The following FRMPD4 variants were observed in gnomAD, a reference collection of about 807,000 sequenced individuals.
FRMPD4 encodes FERM and PDZ domain containing 4.
Under a neutral mutation model 94.1 loss-of-function variants are expected in FRMPD4, and 22 were observed. The observed-to-expected ratio is 0.23, with a 90% CI of 0.17 to 0.33. FRMPD4 has a LOEUF of 0.33. Among genes scored for constraint, FRMPD4 ranks in the 10% least tolerant of loss-of-function variants. The pLI is 1.00. For missense variants in FRMPD4, 1,111 were observed against 1,339.9 expected, an observed-to-expected ratio of 0.83 and a Z score of 2.67; for synonymous variants, 631 against 548.6, an observed-to-expected ratio of 1.15 and a Z score of -2.10.
chrX:11,852,500 G>A (rs1413239694), intron 1 of FRMPD4, among the ~76,000 whole-genome samples: 1 of 107,766 alleles, frequency 9.3e-6, no homozygotes, highest in Non-Finnish European at 1.9e-5. Flanking sequence ...TATGATTTCA[G>A]CCTTTGCAAA....
At chrX:11,904,048 T>C (rs920938679) in intron 3 of FRMPD4, among the ~76,000 whole-genome samples, 1 of 111,882 alleles carries the variant, frequency 8.9e-6, no homozygotes, top group African/African-American at 3.2e-5. Context: ...CGCAAAGTGC[T>C]GGGATTATAG....
In FRMPD4 at chrX:12,560,742, CTTTTTTTTTTTTTTTTT is replaced by C. The variant is rs749269384; in HGVS notation, c.159-48950_159-48934del. Among the ~76,000 whole-genome samples the C allele has an allele frequency of 7.9e-3, 345 of 43,422 alleles. 78 individuals carry two copies. Among genetic ancestry groups the C allele is most frequent in the African/African-American group, 0.014 (191 of 13,226 alleles). 37.7% of individuals were successfully genotyped at this position (43,422 alleles called of 115,157 possible). ...CCCTAGTGTATGCACCTCCCCTCAT[CTTTTTTTTTTTTTTTTT>C]TTTTTTTTTTTTTTTTTTTTTTTTT... On this transcript the variant is annotated intron_variant, in intron 2 of 16. Coordinates refer to ENST00000675598, the MANE Select transcript of FRMPD4 (RefSeq NM_001368397.1).
intron 4 of FRMPD4, among the ~76,000 whole-genome samples, chrX:12,626,430 A>G (rs1474005162): frequency 9.3e-6 from 1 of 108,094 alleles, no homozygotes; most frequent in Non-Finnish European, 1.9e-5. Context: ...GCAAGAAACT[A>G]GAAACACACC....
chrX:12,379,642 C>CGTGTGTGTGTGTGTGTGTGTGT (rs55742933), intron 1 of FRMPD4, among the ~76,000 whole-genome samples: 4 of 89,978 alleles, frequency 4.4e-5, no homozygotes, highest in Admixed American at 2.6e-4. Flanking sequence ...GATATGCTGC[C>CGTGTGTGTGTGTGTGTGTGTGT]GTGTGTGTGT....
At chrX:11,877,485 A>G (rs1248391079) in intron 2 of FRMPD4, among the ~76,000 whole-genome samples, 1 of 111,596 alleles carries the variant, frequency 9.0e-6, no homozygotes, top group Non-Finnish European at 1.9e-5. Context: ...CCAGTTTGAT[A>G]TCACTTTGAT....
intron 1 of FRMPD4, among the ~76,000 whole-genome samples, chrX:12,224,411 A>G (rs1051927194): frequency 6.4e-5 from 7 of 109,606 alleles, no homozygotes; most frequent in African/African-American, 2.3e-4. Flanking sequence ...CACCACACCC[A>G]GCTAATTTTT....
chrX:12,314,242 G>C (rs1268559868), intron 1 of FRMPD4, among the ~76,000 whole-genome samples: 1 of 112,494 alleles, frequency 8.9e-6, no homozygotes, highest in Non-Finnish European at 1.9e-5. Flanking sequence ...AAACAACTGA[G>C]TCAGTTTCAC....
intron 1 of FRMPD4, among the ~76,000 whole-genome samples, chrX:12,391,124 C>A (rs1242855469): frequency 8.9e-6 from 1 of 111,936 alleles, no homozygotes; most frequent in Non-Finnish European, 1.9e-5. Flanking sequence ...ATTTAGAATT[C>A]TTTTCGTAAG....
At chrX:12,650,404 C>T (rs910199192) in intron 4 of FRMPD4, among the ~76,000 whole-genome samples, 4 of 110,372 alleles carry the variant, frequency 3.6e-5, no homozygotes, top group African/African-American at 1.3e-4. Context: ...TTTTCTTCAT[C>T]GGTCTATCCA....
chrX:12,666,438 C>A (rs969326521), intron 4 of FRMPD4, among the ~76,000 whole-genome samples: 2 of 111,665 alleles, frequency 1.8e-5, no homozygotes, highest in African/African-American at 6.5e-5. Flanking sequence ...ACCTAATACA[C>A]ATCTACAGAA....
chrX:12,710,404 C>T lies in FRMPD4; in HGVS notation c.1476C>T (p.Ile492=). The part of the protein sequence containing the change: ...VELHVLDVKP[I]TLLMESSDAM... ...AAGTGTTCTCTTTTGTGTAGCCTAT[C>T]ACGCTTCTGATGGAATCCTCAGATG... The change falls in exon 14 of 17, where the codon ATC becomes ATT. Residue 492 remains isoleucine, a synonymous_variant. Transcript: ENST00000675598. The T allele has an allele frequency of 2.5e-6, 3 of 1,204,297 alleles. No homozygotes were observed. The highest frequency in any genetic ancestry group is 3.0e-5 in the East Asian group (1 of 33,756).
chrX:11,824,230 A>G (rs1186314523), intron 1 of FRMPD4, among the ~76,000 whole-genome samples: 1 of 91,944 alleles, frequency 1.1e-5, no homozygotes, highest in Non-Finnish European at 2.3e-5. Flanking sequence ...GGGTAACATC[A>G]AGAGTTTAGC....
At chrX:11,920,129 A>G (rs1385670887) in intron 3 of FRMPD4, among the ~76,000 whole-genome samples, 2 of 112,000 alleles carry the variant, frequency 1.8e-5, no homozygotes, top group Non-Finnish European at 3.8e-5. Flanking sequence ...TAATAAAAAT[A>G]GAGAATTTTT....
intron 3 of FRMPD4, among the ~76,000 whole-genome samples, chrX:12,122,344 A>G (rs990947017): frequency 1.8e-5 from 2 of 112,280 alleles, no homozygotes; most frequent in South Asian, 7.5e-4. Context: ...AGGGCTCCAC[A>G]TGGTCACTTG....
chrX:12,331,975 T>TTTATATACTATATATAAATTATATA (rs2055416084), intron 1 of FRMPD4, among the ~76,000 whole-genome samples: 2 of 47,663 alleles, frequency 4.2e-5, no homozygotes, highest in African/African-American at 2.6e-4. Context: ...AAATTATATA[T>TTTATATACTATATATAAATTATATA]ATTTATATAC....
At chrX:11,901,421 G>T (rs2053936978) in intron 3 of FRMPD4, among the ~76,000 whole-genome samples, 1 of 112,324 alleles carries the variant, frequency 8.9e-6, no homozygotes, top group Non-Finnish European at 1.9e-5. Context: ...TGCTGCAAAA[G>T]ACATTATTTC....
chrX:11,870,465 G>T (rs1056914805), intron 2 of FRMPD4, among the ~76,000 whole-genome samples: 1 of 111,704 alleles, frequency 9.0e-6, no homozygotes, highest in African/African-American at 3.3e-5. Context: ...AGTGAAAAGG[G>T]CAGTGACATG....
At chrX:12,415,460 G>T (rs1258253359) in intron 1 of FRMPD4, among the ~76,000 whole-genome samples, 2 of 111,425 alleles carry the variant, frequency 1.8e-5, no homozygotes, top group African/African-American at 6.5e-5. Flanking sequence ...TGATATATTT[G>T]AAAAAATATG....
intron 1 of FRMPD4, among the ~76,000 whole-genome samples, chrX:12,320,025 C>G (rs2055184121): frequency 9.0e-6 from 1 of 111,709 alleles, no homozygotes; most frequent in African/African-American, 3.3e-5. Flanking sequence ...TACTTTGCAG[C>G]TCTGTGCGTG....
Sources: gnomAD v4.1 joint callset for allele counts (sites outside exome capture counted in the v4.1 genomes callset) on GRCh38, gnomAD v4.1.1 for gene constraint, MANE v1.5 for transcripts, NCBI Gene and HGNC (gene_info 2026-07-23, HGNC 2026-07-21) for gene names.